PROX1: variants seen among roughly 807,000 people sequenced by gnomAD.
PROX1 encodes the protein prospero homeobox protein 1.
Under a neutral mutation model 58.8 loss-of-function variants are expected in PROX1, and 7 were observed. The observed-to-expected ratio is 0.12, with a 90% CI of 0.07 to 0.22. The LOEUF is 0.22. PROX1 is among the 10% of genes least tolerant of loss of function. PROX1 has a pLI of 1.00. For synonymous variants in PROX1, 350 were observed against 358.3 expected (o/e 0.98, Z 0.26); for missense variants, 675 against 927.8 (o/e 0.73, Z 3.54).
At chr1:213,991,698 T>C (rs143283817) in intron 1 of PROX1, among the ~76,000 whole-genome samples, 35 of 152,252 alleles carry the variant, frequency 2.3e-4, no homozygotes, top group Non-Finnish European at 5.0e-4. Context: ...ACATGCTATC[T>C]TAAAACCTAA....
chr1:213,992,535 T>C (rs1243171811), intron 1 of PROX1, among the ~76,000 whole-genome samples: 2 of 152,136 alleles, frequency 1.3e-5, no homozygotes, highest in Admixed American at 1.3e-4. Context: ...AATGATATCC[T>C]ATTTGAAATT....
rs1664819186 is a variant in PROX1 at position 214,036,074 on chromosome 1, G to A, written c.*240G>A. On this transcript the variant is annotated 3_prime_UTR_variant, in exon 5 of 5. Coordinates refer to ENST00000366958, the MANE Select transcript of PROX1 (RefSeq NM_001270616.2). Reference sequence around the variant, plus strand: ...TTTTGCCCAAGGCCCTTAACATTTGGACACTTAAAATAGGGTTAATTTTCA... The same window carrying A: ...TTTTGCCCAAGGCCCTTAACATTTGAACACTTAAAATAGGGTTAATTTTCA... 1 of 326,770 alleles carries A rather than the reference G, an allele frequency of 3.1e-6. No homozygotes were observed. The highest frequency in any genetic ancestry group is 5.5e-6 in the Non-Finnish European group (1 of 180,630). The allele number at this position is 326,770 out of a possible 1,614,324, so 20.2% of individuals were successfully genotyped here. A position where few individuals can be genotyped will look rare whatever the true frequency, so the allele number is the denominator to read the frequency against.
At chr1:214,003,657 A>C (rs1311413673) in intron 2 of PROX1, among the ~76,000 whole-genome samples, 2 of 152,180 alleles carry the variant, frequency 1.3e-5, no homozygotes, top group African/African-American at 4.8e-5. Context: ...AAAATAAAAA[A>C]CCTGCACTAC....
At chr1:214,005,037 A>G (rs1444202669) in intron 2 of PROX1, 128 bp from the exon 3 acceptor site, 2 of 684,092 alleles carry the variant, frequency 2.9e-6, no homozygotes, top group Non-Finnish European at 5.0e-6. Flanking sequence ...AGCCAGTGTC[A>G]TATACCTTCC....
chr1:214,027,406 A>T (rs2102767924), intron 4 of PROX1, among the ~76,000 whole-genome samples: 1 of 152,296 alleles, frequency 6.6e-6, no homozygotes, highest in East Asian at 1.9e-4. Flanking sequence ...TTTAAAGTCA[A>T]GCATCAACCG....
intron 1 of PROX1, among the ~76,000 whole-genome samples, chr1:213,992,088 T>C (rs896324775): frequency 7.9e-5 from 12 of 152,230 alleles, no homozygotes; most frequent in African/African-American, 2.9e-4. Context: ...TATTTACCTA[T>C]CTGATAAGTT....
In PROX1 at chr1:213,996,945, C is replaced by A; in HGVS notation, c.410C>A (p.Pro137His). The A allele has an allele frequency of 6.2e-7, 1 of 1,614,014 alleles. No homozygotes were observed. The highest frequency in any genetic ancestry group is 8.5e-7 in the Non-Finnish European group (1 of 1,180,022). The change falls in exon 2 of 5, where the codon CCC (proline) becomes CAC (histidine). Residue 137 changes from proline (P) to histidine (H), a missense_variant. By Grantham distance (77) the Pro-to-His change is moderately conservative. Transcript: ENST00000366958. ...TGCAGCAACTCTTCAAGAGACAGCCCCCCAGAGTGTCTTTCCCCTTTTGGC... is the reference window on the plus strand; with the variant it reads ...TGCAGCAACTCTTCAAGAGACAGCCACCCAGAGTGTCTTTCCCCTTTTGGC... ...DICSNSSRDSPPECLSPFGRP... is the reference protein window; with the variant it reads ...DICSNSSRDSHPECLSPFGRP...
Position 213,998,023 on chromosome 1 carries a change from A to G in PROX1, c.1488A>G (p.Pro496=). Residue 496 remains proline, a synonymous_variant, in exon 2 of 5, where the codon CCA becomes CCG. Coordinates refer to ENST00000366958, the MANE Select transcript of PROX1 (RefSeq NM_001270616.2). The part of the protein sequence containing the change: ...LPLMAYPFQS[P]LGAPSGSFSG... ...TGATGGCCTATCCATTTCAGAGCCC[A>G]TTAGGTGCTCCCTCCGGCTCCTTCT... The G allele has an allele frequency of 6.2e-7, 1 of 1,612,494 alleles. No homozygotes were observed.
intron 2 of PROX1, among the ~76,000 whole-genome samples, chr1:213,999,764 A>T (rs1157653937): frequency 6.6e-6 from 1 of 152,236 alleles, no homozygotes; most frequent in Non-Finnish European, 1.5e-5. Context: ...TCCACCAGCC[A>T]TGAATCAAAG....
Position 213,996,054 on chromosome 1 carries a change from T to C in PROX1, c.-67-415T>C, listed in dbSNP as rs139510475. ...TGCAATTTTTCATGTGAATTTCTCA[T>C]AGTCTCAAAATTTAACCTTATTTCT... On this transcript the variant is annotated intron_variant, in intron 1 of 4. Coordinates refer to ENST00000366958, the MANE Select transcript of PROX1 (RefSeq NM_001270616.2). Among the ~76,000 whole-genome samples the C allele has an allele frequency of 9.1e-4, 138 of 152,348 alleles. 1 individual carries two copies. The highest frequency in any genetic ancestry group is 3.2e-3 in the African/African-American group (135 of 41,592).
At chr1:214,005,059 C>T (rs901291179) in intron 2 of PROX1, 106 bp from the exon 3 acceptor site, 13 of 827,400 alleles carry the variant, frequency 1.6e-5, no homozygotes, top group East Asian at 1.3e-4. Context: ...GCACTCCCAC[C>T]GCAGCTTGAT....
chr1:214,036,176 G>GC lies in PROX1; in HGVS notation c.*342_*343insC, dbSNP rs1664822622. 5.9e-6 allele frequency: 1 copy of GC among 168,416 alleles called. No individual in the cohort carries two copies. Among genetic ancestry groups the GC allele is most frequent in the Non-Finnish European group, 1.3e-5 (1 of 78,950 alleles). The allele number at this position is 168,416 out of a possible 1,614,324, so 10.4% of individuals were successfully genotyped here. Reference sequence around the variant, plus strand: ...TTGTTAACGATGCATCCACTTGATTGATGACTTATTGCAAATGGCGGTTGG... The same window carrying GC: ...TTGTTAACGATGCATCCACTTGATTGCATGACTTATTGCAAATGGCGGTTGG... On this transcript the variant is annotated 3_prime_UTR_variant, in exon 5 of 5. Coordinates refer to ENST00000366958, the MANE Select transcript of PROX1 (RefSeq NM_001270616.2).
chr1:214,024,184 C>T (rs1048201295), intron 4 of PROX1, among the ~76,000 whole-genome samples: 1 of 152,206 alleles, frequency 6.6e-6, no homozygotes, highest in African/African-American at 2.4e-5. Flanking sequence ...ATTCTGCAAT[C>T]TGCCTGTCTT....
intron 2 of PROX1, among the ~76,000 whole-genome samples, chr1:214,003,255 A>G (rs1386455711): frequency 6.6e-6 from 1 of 152,268 alleles, no homozygotes; most frequent in Non-Finnish European, 1.5e-5. Flanking sequence ...GTGACTTCCA[A>G]TTAAATGCAT....
upstream of PROX1, among the ~76,000 whole-genome samples, chr1:213,987,064 TG>T (rs1160423078): frequency 6.6e-6 from 1 of 152,214 alleles, no homozygotes; most frequent in African/African-American, 2.4e-5. Flanking sequence ...TTGGTCTTTC[TG>T]GGGCGAGTGA....
At chr1:214,000,221 A>G (rs1663449264) in intron 2 of PROX1, among the ~76,000 whole-genome samples, 1 of 152,236 alleles carries the variant, frequency 6.6e-6, no homozygotes, top group African/African-American at 2.4e-5. Context: ...TTTTCATTAT[A>G]ACCAGATCAT....
Position 214,039,798 on chromosome 1 carries a change from CAT to C in PROX1, c.*3966_*3967del, listed in dbSNP as rs1553295888. The C allele has an allele frequency of 2.1e-5, 3 of 141,602 alleles. No individual in the cohort carries two copies. The highest frequency in any genetic ancestry group is 4.5e-5 in the Non-Finnish European group (3 of 66,154). The allele number at this position is 141,602 out of a possible 1,614,324, so 8.8% of individuals were successfully genotyped here. A position where few individuals can be genotyped will look rare whatever the true frequency, so the allele number is the denominator to read the frequency against. ...CCCCCTTCCCATGCGCACATGTGCG[CAT>C]ACACACACACACACACACACACACA... On this transcript the variant is annotated 3_prime_UTR_variant, in exon 5 of 5. Coordinates refer to ENST00000366958, the MANE Select transcript of PROX1 (RefSeq NM_001270616.2).
rs770371457 is a variant in PROX1, at chr1:214,037,160, T to C, written c.*1326T>C. 6.6e-6 allele frequency: 1 copy of C among 152,220 alleles called. No homozygotes were observed. The highest frequency in any genetic ancestry group is 2.4e-5 in the African/African-American group (1 of 41,450). 9.4% of individuals were successfully genotyped at this position (152,220 alleles called of 1,614,324 possible). A position where few individuals can be genotyped will look rare whatever the true frequency, so the allele number is the denominator to read the frequency against. On this transcript the variant is annotated 3_prime_UTR_variant, in exon 5 of 5. Transcript: ENST00000366958. ...TTCTCCTCTTTTTTCCCTTTTATTT[T>C]TCCCTGTTTTTCAATGATGTACAGT...
intron 3 of PROX1, among the ~76,000 whole-genome samples, chr1:214,008,244 G>A (rs188889485): frequency 3.3e-5 from 5 of 151,982 alleles, no homozygotes; most frequent in African/African-American, 9.6e-5. Flanking sequence ...TAGTAGAGAC[G>A]GGGTTTCACC....
Sources: gnomAD v4.1 joint callset for allele counts (sites outside exome capture counted in the v4.1 genomes callset) on GRCh38, gnomAD v4.1.1 for gene constraint, MANE v1.5 for transcripts, NCBI Gene and HGNC (gene_info 2026-07-23, HGNC 2026-07-21) for gene names.